Variants in TLDC2 observed in about 807,000 individuals in gnomAD.
TLDC2 encodes TBC/LysM-associated domain containing 2.
A neutral mutation model predicts 27.9 loss-of-function variants in TLDC2; 23 were observed. That is an observed-to-expected ratio of 0.82 (90% confidence interval 0.59 to 1.17). The LOEUF (loss-of-function observed/expected upper bound fraction) is 1.17. Ranked by LOEUF, TLDC2 falls within the 50% of genes most tolerant of loss-of-function variation. The probability of loss-of-function intolerance (pLI) is 0.00; values close to 1 mark genes in which losing one functional copy is unlikely to be tolerated. For synonymous variants in TLDC2, 124 were observed against 107.4 expected, an observed-to-expected ratio of 1.16 and a Z score of -0.96; for missense variants, 286 against 273.4, an observed-to-expected ratio of 1.05 and a Z score of -0.32.
At chr20:36,890,120 T>C (rs1990024711) in intron 6 of TLDC2, 1 of 152,148 alleles carries the variant, frequency 6.6e-6, no homozygotes, top group African/African-American at 2.4e-5. Context: ...TGCTTGTGAG[T>C]CTGTTATTTA....
At chr20:36,876,764 C>A (rs890967296) in intron 1 of TLDC2, among the ~76,000 whole-genome samples, 1 of 152,224 alleles carries the variant, frequency 6.6e-6, no homozygotes. Context: ...CATTCAAACA[C>A]ACACACTCAC....
At chr20:36,884,875 CTTTT>C (rs11480944) in intron 4 of TLDC2, among the ~76,000 whole-genome samples, 1 of 103,228 alleles carries the variant, frequency 9.7e-6, no homozygotes, top group Non-Finnish European at 1.8e-5. Context: ...CACAGAAATT[CTTTT>C]TTTTTTTTTT....
At chr20:36,877,617 C>T (rs1013694795) in intron 1 of TLDC2, among the ~76,000 whole-genome samples, 12 of 152,148 alleles carry the variant, frequency 7.9e-5, no homozygotes, top group Non-Finnish European at 1.0e-4. Context: ...ACCGACAAGT[C>T]GCACGGCCCA....
intron 4 of TLDC2, 49 bp from the exon 5 acceptor site, chr20:36,887,406 C>G: frequency 6.5e-7 from 1 of 1,538,002 alleles, no homozygotes; most frequent in Non-Finnish European, 9.0e-7. Context: ...ACTGCAAGGG[C>G]GGGACTCGCT....
intron 1 of TLDC2, 40 bp from the exon 2 acceptor site, chr20:36,877,859 C>G: frequency 6.3e-7 from 1 of 1,579,022 alleles, no homozygotes; most frequent in Non-Finnish European, 8.6e-7. Context: ...GCTGGGACCT[C>G]CTGTCCCTGG....
chr20:36,887,561 G>C, intron 5 of TLDC2, 33 bp downstream of exon 5: 1 of 1,600,158 alleles, frequency 6.2e-7, no homozygotes, highest in Non-Finnish European at 8.6e-7. Flanking sequence ...GTCTTGGGGC[G>C]GTCTGTGTTC....
chr20:36,876,998 A>G (rs1484194288), intron 1 of TLDC2, among the ~76,000 whole-genome samples: 1 of 152,230 alleles, frequency 6.6e-6, no homozygotes, highest in African/African-American at 2.4e-5. Flanking sequence ...ACCTACATGT[A>G]TGATCCCACA....
In TLDC2 at chr20:36,893,714, A is replaced by ATGAT. The variant is rs1423647926; in HGVS notation, c.*871_*874dup. On this transcript the variant is annotated 3_prime_UTR_variant, in exon 7 of 7. Transcript: ENST00000217320. ...TGGGTAGATCTTCTTTGGTTACAAG[A>ATGAT]TGATGCACGATCTTGGAGAGCCTCT... The ATGAT allele has an allele frequency of 1.0e-5, 4 of 394,044 alleles. No homozygotes were observed. In the Admixed American group the frequency reaches 1.3e-4, roughly 13 times the overall value. The allele number at this position is 394,044 out of a possible 1,614,324, so 24.4% of individuals were successfully genotyped here. A position where few individuals can be genotyped will look rare whatever the true frequency, so the allele number is the denominator to read the frequency against.
chr20:36,887,207 G>A (rs1350615257), intron 4 of TLDC2, among the ~76,000 whole-genome samples: 1 of 152,138 alleles, frequency 6.6e-6, no homozygotes, highest in South Asian at 2.1e-4. Flanking sequence ...CTCAGGGGTC[G>A]TTGTCCTATT....
chr20:36,880,075 A>ATATATATATATATG lies in TLDC2; in HGVS notation c.343-567_343-566insGTATATATATATAT, dbSNP rs1447035781. On this transcript the variant is annotated intron_variant, in intron 3 of 6. Transcript: ENST00000217320. Reference sequence around the variant, plus strand: ...TTGTGTAGAATATATATATACATATATATATATATATATATATATATATAT... The same window carrying ATATATATATATATG: ...TTGTGTAGAATATATATATACATATATATATATATATATGTATATATATATATATATATATATAT... 9.5e-4 allele frequency among the ~76,000 whole-genome samples: 38 copies of ATATATATATATATG among 39,982 alleles called. 1 individual carries two copies. Among genetic ancestry groups the ATATATATATATATG allele is most frequent in the Middle Eastern group, 0.019 (1 of 52 alleles). The allele number at this position is 39,982 out of a possible 152,430, so 26.2% of individuals were successfully genotyped here.
At chr20:36,877,446 A>C (rs1484421069) in intron 1 of TLDC2, among the ~76,000 whole-genome samples, 1 of 151,938 alleles carries the variant, frequency 6.6e-6, no homozygotes, top group Non-Finnish European at 1.5e-5. Context: ...GACAGTGCAC[A>C]CTGAACACAG....
intron 5 of TLDC2, among the ~76,000 whole-genome samples, chr20:36,887,912 TAG>T (rs1045905111): frequency 1.3e-5 from 2 of 151,476 alleles, no homozygotes; most frequent in African/African-American, 4.9e-5. Flanking sequence ...GAGGACGGGG[TAG>T]AGAGAGGTAG....
Position 36,892,890 on chromosome 20 carries a change from T to C in TLDC2, c.*46T>C. The C allele has an allele frequency of 6.2e-7, 1 of 1,612,448 alleles. No homozygotes were observed. The highest frequency in any genetic ancestry group is 1.1e-5 in the South Asian group (1 of 91,016). On this transcript the variant is annotated 3_prime_UTR_variant, in exon 7 of 7. Transcript: ENST00000217320. ...TCTATGATTGAAGCCTCTAAATGAA[T>C]TGTGCAGGAGAGGGAGTTTGTAAAC...
Position 36,894,146 on chromosome 20 carries a change from A to ACTTGGACTCTG in TLDC2, c.*1305_*1306insGGACTCTGCTT. 2.5e-6 allele frequency: 1 copy of ACTTGGACTCTG among 393,376 alleles called. No individual in the cohort carries two copies. The allele number at this position is 393,376 out of a possible 1,614,324, so 24.4% of individuals were successfully genotyped here. A position where few individuals can be genotyped will look rare whatever the true frequency, so the allele number is the denominator to read the frequency against. ...TCTATGCTCATTTAGCTCTGCCAAA[A>ACTTGGACTCTG]CTTTTGTATCTCACCCCCATGTTAA... On this transcript the variant is annotated 3_prime_UTR_variant, in exon 7 of 7. Coordinates refer to ENST00000217320, the MANE Select transcript of TLDC2 (RefSeq NM_080628.3).
At chr20:36,883,386 C>T (rs1363649259) in intron 4 of TLDC2, among the ~76,000 whole-genome samples, 1 of 152,064 alleles carries the variant, frequency 6.6e-6, no homozygotes. Flanking sequence ...ATCTGCCAGC[C>T]TCCACCTCCC....
chr20:36,880,909 C>T (rs1989801526), intron 4 of TLDC2, among the ~76,000 whole-genome samples, 159 bp downstream of exon 4: 1 of 152,244 alleles, frequency 6.6e-6, no homozygotes, highest in South Asian at 2.1e-4. Context: ...CAGAGCATCC[C>T]CCTTGACCTG....
chr20:36,885,770 A>G (rs947691550), intron 4 of TLDC2, among the ~76,000 whole-genome samples: 2 of 152,168 alleles, frequency 1.3e-5, no homozygotes, highest in African/African-American at 4.8e-5. Context: ...TAATTTTTGC[A>G]TTCAATAAAT....
At chr20:36,880,075 A>ATATATGTATATATATATATATGTGTGTG (rs1568748412) in intron 3 of TLDC2, among the ~76,000 whole-genome samples, 1 of 39,990 alleles carries the variant, frequency 2.5e-5, no homozygotes, top group African/African-American at 6.1e-5. Context: ...ATATACATAT[A>ATATATGTATATATATATATATGTGTGTG]TATATATATA....
intron 4 of TLDC2, among the ~76,000 whole-genome samples, chr20:36,880,963 G>T (rs969254239): frequency 1.3e-5 from 2 of 152,184 alleles, no homozygotes; most frequent in African/African-American, 4.8e-5. Flanking sequence ...TCTGGCAACC[G>T]CTGACTGGCT....
Sources: gnomAD v4.1 joint callset for allele counts (sites outside exome capture counted in the v4.1 genomes callset) on GRCh38, gnomAD v4.1.1 for gene constraint, MANE v1.5 for transcripts, NCBI Gene and HGNC (gene_info 2026-07-23, HGNC 2026-07-21) for gene names.